The following CATSPER2 variants were observed in gnomAD, a reference collection of about 807,000 sequenced individuals.
CATSPER2 encodes cation channel sperm associated 2, also known as cation channel sperm-associated protein 2.
Under a neutral mutation model 68.8 loss-of-function variants are expected in CATSPER2, and 56 were observed. The ratio of observed to expected loss-of-function variants is 0.81; its 90% CI spans 0.66 to 1.02. The LOEUF (loss-of-function observed/expected upper bound fraction) is 1.02, where lower values mean the gene tolerates loss of function less well. CATSPER2 is among the 50% of genes least tolerant of loss of function. CATSPER2 has a pLI of 0.00. For missense variants in CATSPER2, 582 were observed against 642.0 expected, an observed-to-expected ratio of 0.91 and a Z score of 1.01; for synonymous variants, 198 against 229.9, an observed-to-expected ratio of 0.86 and a Z score of 1.26.
In CATSPER2 at chr15:43,648,834, T is replaced by A. The variant is rs774049579; in HGVS notation, c.-208A>T. ...AGCCCCTACCCACAGCCCAGGACCA[T>A]GCGGAGCAACGCTCGCCCAGCCACT... On this transcript the variant is annotated 5_prime_UTR_variant, in exon 1 of 13. An upstream start codon of the reference 5' UTR is lost. Coordinates refer to ENST00000396879, the MANE Select transcript of CATSPER2 (RefSeq NM_172095.4). The A allele has an allele frequency of 5.9e-6, 9 of 1,529,120 alleles. No homozygotes were observed. In the East Asian group the frequency reaches 7.5e-5, roughly 13 times the overall value. 94.7% of individuals were successfully genotyped at this position (1,529,120 alleles called of 1,614,324 possible). A position where few individuals can be genotyped will look rare whatever the true frequency, so the allele number is the denominator to read the frequency against.
chr15:43,640,637 CTTCTT>C, intron 4 of CATSPER2, 141 bp from the exon 5 acceptor site: 1 of 1,084,882 alleles, frequency 9.2e-7, no homozygotes, highest in Non-Finnish European at 1.4e-6. Flanking sequence ...AAGAGTTTCT[CTTCTT>C]AACACTGTTG....
intron 4 of CATSPER2, among the ~76,000 whole-genome samples, chr15:43,642,102 CTTT>C (rs11440900): frequency 2.1e-5 from 3 of 146,136 alleles, no homozygotes; most frequent in African/African-American, 7.5e-5. Context: ...AATTAGGATG[CTTT>C]TTTTTTTTTC....
At chr15:43,637,701 C>T (rs1349446549) in intron 7 of CATSPER2, 2 of 151,852 alleles carry the variant, frequency 1.3e-5, no homozygotes, top group African/African-American at 4.8e-5. Flanking sequence ...TTCTCTATAT[C>T]GTTCCAATTT....
intron 4 of CATSPER2, among the ~76,000 whole-genome samples, chr15:43,644,371 A>G (rs2086124382): frequency 1.3e-5 from 2 of 151,970 alleles, no homozygotes; most frequent in Admixed American, 1.3e-4. Context: ...TTGCCAGGTA[A>G]TTTCTAGTCT....
chr15:43,631,246 T>C (rs1254482197), intron 12 of CATSPER2, among the ~76,000 whole-genome samples: 1 of 152,040 alleles, frequency 6.6e-6, no homozygotes, highest in East Asian at 1.9e-4. Flanking sequence ...TTTTGGTTTG[T>C]CTTGAGACGG....
Position 43,648,809 on chromosome 15 carries a change from AG to A in CATSPER2, c.-184del, listed in dbSNP as rs1567135502. Reference sequence around the variant, plus strand: ...TCGGCTCACCCCGGGACCCGGCCCTAGCCCCTACCCACAGCCCAGGACCATG... The same window carrying A: ...TCGGCTCACCCCGGGACCCGGCCCTACCCCTACCCACAGCCCAGGACCATG... On this transcript the variant is annotated 5_prime_UTR_variant, in exon 1 of 13. Transcript: ENST00000396879. The A allele has an allele frequency of 6.5e-7, 1 of 1,530,178 alleles. No homozygotes were observed. The highest frequency in any genetic ancestry group is 1.4e-5 in the African/African-American group (1 of 71,718). 94.8% of individuals were successfully genotyped at this position (1,530,178 alleles called of 1,614,324 possible).
chr15:43,648,575 C>T (rs1405427894), intron 1 of CATSPER2, 54 bp downstream of exon 1: 1 of 1,363,000 alleles, frequency 7.3e-7, no homozygotes, highest in Non-Finnish European at 9.5e-7. Context: ...TCCACTCCAA[C>T]ACTCCTTCGG....
chr15:43,633,695 A>G, intron 10 of CATSPER2: 1 of 151,814 alleles, frequency 6.6e-6, no homozygotes, highest in Non-Finnish European at 1.5e-5. Flanking sequence ...TGTAATCCTA[A>G]CACTTTTGGA....
chr15:43,648,821 C>G lies in CATSPER2; in HGVS notation c.-195G>C. ...GGGACCCGGCCCTAGCCCCTACCCA[C>G]AGCCCAGGACCATGCGGAGCAACGC... On this transcript the variant is annotated 5_prime_UTR_variant, in exon 1 of 13. Transcript: ENST00000396879. The G allele has an allele frequency of 6.5e-7, 1 of 1,530,660 alleles. No individual in the cohort carries two copies. The highest frequency in any genetic ancestry group is 8.8e-7 in the Non-Finnish European group (1 of 1,142,260). The allele number at this position is 1,530,660 out of a possible 1,614,324, so 94.8% of individuals were successfully genotyped here.
rs543441824 is a variant in CATSPER2, at chr15:43,640,250, T to A, written c.561+74A>T. On this transcript the variant is annotated intron_variant, in intron 5 of 12. Coordinates refer to ENST00000396879, the MANE Select transcript of CATSPER2 (RefSeq NM_172095.4). ...ATTTTTGTTTCTTCCTATTATCATGTTAACTTGTTCTTTCGATTCACCTAG... is the reference window on the plus strand; with the variant it reads ...ATTTTTGTTTCTTCCTATTATCATGATAACTTGTTCTTTCGATTCACCTAG... 8.3e-5 allele frequency: 132 copies of A among 1,594,174 alleles called. 2 individuals are homozygous for A. In the Middle Eastern group the frequency reaches 8.3e-4, roughly 10 times the overall value.
At chr15:43,638,638 G>T (rs936843610) in intron 7 of CATSPER2, among the ~76,000 whole-genome samples, 2 of 151,798 alleles carry the variant, frequency 1.3e-5, no homozygotes, top group African/African-American at 4.8e-5. Flanking sequence ...TTAACCACTG[G>T]AGTGTACTGC....
chr15:43,640,174 G>A, intron 5 of CATSPER2, 150 bp downstream of exon 5: 2 of 1,548,908 alleles, frequency 1.3e-6, no homozygotes, highest in Non-Finnish European at 1.7e-6. Context: ...CTCCTGCAAT[G>A]ATTGATGTTT....
intron 4 of CATSPER2, among the ~76,000 whole-genome samples, chr15:43,644,568 T>C (rs2141577718): frequency 6.6e-6 from 1 of 152,006 alleles, no homozygotes; most frequent in African/African-American, 2.4e-5. Context: ...CAGCAGGAAG[T>C]GAGTGGTGGG....
chr15:43,646,842 G>A (rs1262037788), intron 4 of CATSPER2, among the ~76,000 whole-genome samples: 1 of 151,116 alleles, frequency 6.6e-6, no homozygotes, highest in Admixed American at 6.6e-5. Flanking sequence ...AGCCTCCCAA[G>A]TAGCTGGGAC....
At chr15:43,646,406 CCCA>C (rs1180482930) in intron 4 of CATSPER2, among the ~76,000 whole-genome samples, 1 of 151,322 alleles carries the variant, frequency 6.6e-6, no homozygotes, top group Admixed American at 6.6e-5. Flanking sequence ...ATTACAGGTG[CCCA>C]CCACCACGCC....
At chr15:43,631,556 T>TA (rs764268071) in intron 12 of CATSPER2, 44 of 382,972 alleles carry the variant, frequency 1.1e-4, no homozygotes, top group Non-Finnish European at 2.0e-4. Context: ...AGGGAAATTG[T>TA]ATTAAGCCAA....
At position 43,639,902 on chromosome 15, in the gene CATSPER2, C is replaced by T. The variant is rs184014776; in HGVS notation, c.562-104G>A. The stretch of plus-strand genomic sequence containing the variant: ...CTTCATTGTTCCCTGGGCGTTATCC[C>T]TTGAATAGCATTCTCTGAGAAGTGC... On this transcript the variant is annotated intron_variant, in intron 5 of 12. Transcript: ENST00000396879. The T allele has an allele frequency of 8.4e-5, 134 of 1,602,866 alleles. 3 individuals are homozygous for T. The highest frequency in any genetic ancestry group is 5.4e-4 in the East Asian group (24 of 44,584).
At chr15:43,640,535 A>G (rs779172294) in intron 4 of CATSPER2, 39 bp from the exon 5 acceptor site, 2 of 1,612,558 alleles carry the variant, frequency 1.2e-6, no homozygotes, top group Non-Finnish European at 1.7e-6. Flanking sequence ...AAGTTAAGGA[A>G]GCTGGAAACC....
At position 43,629,703 on chromosome 15, in the gene CATSPER2, A is replaced by C. The variant is rs1434142844; in HGVS notation, c.*998T>G. The C allele has an allele frequency of 1.3e-5, 2 of 150,784 alleles. No homozygotes were observed. Among genetic ancestry groups the C allele is most frequent in the Non-Finnish European group, 2.9e-5 (2 of 67,810 alleles). 9.3% of individuals were successfully genotyped at this position (150,784 alleles called of 1,614,324 possible). ...TAAAAGGTGTTCCTGCTTTGATGGG[A>C]GATAGATTAACTCTGAAATCCCTTC... On this transcript the variant is annotated 3_prime_UTR_variant, in exon 13 of 13. Coordinates refer to ENST00000396879, the MANE Select transcript of CATSPER2 (RefSeq NM_172095.4).
Sources: allele counts gnomAD v4.1 joint callset (sites outside exome capture counted in the v4.1 genomes callset), GRCh38; gene constraint gnomAD v4.1.1; transcripts MANE v1.5; gene names NCBI Gene and HGNC (gene_info 2026-07-23, HGNC 2026-07-21).